Variants in ANGPT1 observed in about 807,000 individuals in gnomAD.
ANGPT1 encodes the protein angiopoietin 1.
In ANGPT1, 17 loss-of-function variants were observed where a neutral mutation model predicts 62.2. The ratio of observed to expected loss-of-function variants is 0.27; its 90% CI spans 0.19 to 0.41. The LOEUF (loss-of-function observed/expected upper bound fraction) is 0.41, where lower values mean the gene tolerates loss of function less well. ANGPT1 is among the 10% of genes least tolerant of loss of function. ANGPT1 has a pLI of 1.00. For missense variants in ANGPT1, 478 were observed against 594.9 expected (o/e 0.80, Z 2.04); for synonymous variants, 199 against 198.9 (o/e 1.00, Z 0.00).
intron 1 of ANGPT1, among the ~76,000 whole-genome samples, chr8:107,465,956 T>C (rs139551648): frequency 6.6e-6 from 1 of 152,300 alleles, no homozygotes; most frequent in Non-Finnish European, 1.5e-5. Flanking sequence ...AGGACTTCTA[T>C]CTGGGAGGGC....
intron 1 of ANGPT1, among the ~76,000 whole-genome samples, chr8:107,415,571 G>C (rs2130365644): frequency 6.6e-6 from 1 of 152,218 alleles, no homozygotes; most frequent in South Asian, 2.1e-4. Context: ...CTTATATCCT[G>C]TTACATGATG....
chr8:107,440,940 C>T (rs1017739237), intron 1 of ANGPT1, among the ~76,000 whole-genome samples: 3 of 152,146 alleles, frequency 2.0e-5, no homozygotes, highest in African/African-American at 7.2e-5. Context: ...TCCAAATCAC[C>T]TTTTATGTAC....
At chr8:107,307,277 C>T (rs1261492322) in intron 4 of ANGPT1, among the ~76,000 whole-genome samples, 1 of 152,006 alleles carries the variant, frequency 6.6e-6, no homozygotes, top group Non-Finnish European at 1.5e-5. Flanking sequence ...GTCTCTCCAC[C>T]CATTGTCCTT....
intron 3 of ANGPT1, among the ~76,000 whole-genome samples, chr8:107,332,759 T>C (rs1005634121): frequency 3.3e-5 from 5 of 152,162 alleles, no homozygotes; most frequent in African/African-American, 1.2e-4. Flanking sequence ...CTGACATTCC[T>C]TGGGGAGGAA....
chr8:107,272,776 T>C (rs1813767739), intron 7 of ANGPT1, among the ~76,000 whole-genome samples: 2 of 150,850 alleles, frequency 1.3e-5, no homozygotes, highest in Non-Finnish European at 3.0e-5. Context: ...ATATGAGATC[T>C]GTGACAATGA....
chr8:107,319,014 ATTTAAACATTT>A (rs1224102312), intron 4 of ANGPT1, among the ~76,000 whole-genome samples: 1 of 152,214 alleles, frequency 6.6e-6, no homozygotes, highest in Non-Finnish European at 1.5e-5. Context: ...GGGGCATTGT[ATTTAAACATTT>A]TCTGCAGAGG....
At chr8:107,318,549 AC>A (rs1815073993) in intron 4 of ANGPT1, among the ~76,000 whole-genome samples, 1 of 152,228 alleles carries the variant, frequency 6.6e-6, no homozygotes, top group Admixed American at 6.5e-5. Context: ...AAAGATAATT[AC>A]GATTATTTTA....
At chr8:107,255,169 T>C (rs1233732300) in intron 8 of ANGPT1, among the ~76,000 whole-genome samples, 1 of 151,916 alleles carries the variant, frequency 6.6e-6, no homozygotes, top group Non-Finnish European at 1.5e-5. Context: ...AGAAGAAAAT[T>C]TGATGGAAAC....
At chr8:107,478,724 C>T (rs1416761542) in intron 1 of ANGPT1, among the ~76,000 whole-genome samples, 1 of 152,024 alleles carries the variant, frequency 6.6e-6, no homozygotes, top group Non-Finnish European at 1.5e-5. Flanking sequence ...TATGTGCATG[C>T]CTACAAATGC....
intron 4 of ANGPT1, among the ~76,000 whole-genome samples, chr8:107,303,639 T>C (rs28540374): frequency 6.6e-6 from 1 of 151,816 alleles, no homozygotes; most frequent in Non-Finnish European, 1.5e-5. Flanking sequence ...ATGTATCCTT[T>C]CCAAAACATC....
At chr8:107,463,767 A>G (rs1016250753) in intron 1 of ANGPT1, among the ~76,000 whole-genome samples, 2 of 152,130 alleles carry the variant, frequency 1.3e-5, no homozygotes, top group African/African-American at 4.8e-5. Flanking sequence ...TTAAAAAGTA[A>G]AAGTTCCCTA....
intron 1 of ANGPT1, among the ~76,000 whole-genome samples, chr8:107,412,196 C>T (rs555795642): frequency 1.3e-5 from 2 of 152,252 alleles, no homozygotes; most frequent in East Asian, 3.9e-4. Context: ...GAGATTTTCG[C>T]AGAAGCCCCT....
Position 107,477,703 on chromosome 8 carries a change from A to G in ANGPT1, c.297+19559T>C, listed in dbSNP as rs558936500. 1.4e-4 allele frequency among the ~76,000 whole-genome samples: 22 copies of G among 152,262 alleles called. No individual in the cohort carries two copies. In the South Asian group the frequency reaches 4.6e-3, roughly 32 times the overall value. Reference sequence around the variant, plus strand: ...TTGGAGAAATTAATCTTGATTTTATATTCTATAAAACTAGCTCATTCACTT... The same window carrying G: ...TTGGAGAAATTAATCTTGATTTTATGTTCTATAAAACTAGCTCATTCACTT... On this transcript the variant is annotated intron_variant, in intron 1 of 8. Coordinates refer to ENST00000517746, the MANE Select transcript of ANGPT1 (RefSeq NM_001146.5).
At chr8:107,475,989 A>G (rs1435253467) in intron 1 of ANGPT1, among the ~76,000 whole-genome samples, 2 of 152,262 alleles carry the variant, frequency 1.3e-5, no homozygotes, top group Non-Finnish European at 2.9e-5. Context: ...TGTTTGTGGT[A>G]CTGTAAACTA....
Position 107,376,629 on chromosome 8 carries a change from G to A in ANGPT1, c.298-29532C>T, listed in dbSNP as rs142024694. Among the ~76,000 whole-genome samples the A allele has an allele frequency of 2.8e-3, 419 of 152,208 alleles. 1 individual carries two copies. The highest frequency in any genetic ancestry group is 9.5e-3 in the African/African-American group (396 of 41,526). ...TCTACTCCAGCCATAGCAGAGCTTT[G>A]GAAAGTGGTGAGAGATACGGTAAGG... On this transcript the variant is annotated intron_variant, in intron 1 of 8. Transcript: ENST00000517746.
At chr8:107,434,357 T>C (rs954546909) in intron 1 of ANGPT1, among the ~76,000 whole-genome samples, 1 of 152,128 alleles carries the variant, frequency 6.6e-6, no homozygotes, top group Non-Finnish European at 1.5e-5. Context: ...TTGGACATCA[T>C]TGCGTGGACA....
chr8:107,455,922 T>A (rs1024326737), intron 1 of ANGPT1, among the ~76,000 whole-genome samples: 5 of 152,010 alleles, frequency 3.3e-5, no homozygotes, highest in African/African-American at 1.2e-4. Context: ...ACTTGGGGAT[T>A]GGAATGAAGC....
chr8:107,446,596 A>G (rs1811628720), intron 1 of ANGPT1, among the ~76,000 whole-genome samples: 1 of 152,216 alleles, frequency 6.6e-6, no homozygotes, highest in Non-Finnish European at 1.5e-5. Context: ...GAACCTCTAT[A>G]TTACATTTGT....
chr8:107,385,041 C>T (rs1199106637), intron 1 of ANGPT1, among the ~76,000 whole-genome samples: 1 of 151,886 alleles, frequency 6.6e-6, no homozygotes, highest in Non-Finnish European at 1.5e-5. Context: ...GTTTGAAGTC[C>T]AGTAGTGTGA....
Sources: allele counts gnomAD v4.1 joint callset (sites outside exome capture counted in the v4.1 genomes callset), GRCh38; gene constraint gnomAD v4.1.1; transcripts MANE v1.5; gene names NCBI Gene and HGNC (gene_info 2026-07-23, HGNC 2026-07-21).